NIPSNAP3B: variants seen among roughly 807,000 people sequenced by gnomAD.
NIPSNAP3B encodes protein NipSnap homolog 3B.
A neutral mutation model predicts 31.5 loss-of-function variants in NIPSNAP3B; 30 were observed. That is an observed-to-expected ratio of 0.95 (90% CI 0.71 to 1.29). The LOEUF (loss-of-function observed/expected upper bound fraction) is 1.29. NIPSNAP3B is among the 50% of genes most tolerant of loss of function. The pLI, the probability that NIPSNAP3B is intolerant of heterozygous loss-of-function variation, is 0.00. For synonymous variants in NIPSNAP3B, 106 were observed against 107.9 expected (o/e 0.98, Z 0.11); for missense variants, 269 against 300.7 (o/e 0.89, Z 0.78).
chr9:104,765,797 T>G (rs143034409), intron 1 of NIPSNAP3B, among the ~76,000 whole-genome samples: 4 of 152,362 alleles, frequency 2.6e-5, no homozygotes, highest in East Asian at 1.9e-4. Flanking sequence ...TCTTCATCAG[T>G]AGATTCAGGA....
the NIPSNAP3B span, chr9:104,786,863 T>C: frequency 6.2e-7 from 1 of 1,609,432 alleles, no homozygotes; most frequent in Non-Finnish European, 8.5e-7. Flanking sequence ...CCCAAGACTT[T>C]ACTACGGACC....
chr9:104,788,047 T>C, the NIPSNAP3B span: 10 of 1,614,182 alleles, frequency 6.2e-6, no homozygotes, highest in South Asian at 1.1e-4. Flanking sequence ...AATCGCCCAC[T>C]CACCAACCTA....
intron 4 of NIPSNAP3B, among the ~76,000 whole-genome samples, chr9:104,772,346 A>G (rs187774510): frequency 3.9e-4 from 60 of 152,156 alleles, no homozygotes; most frequent in Non-Finnish European, 7.9e-4. Flanking sequence ...ACATTGTTGC[A>G]GCATTTTAAA....
intron 3 of NIPSNAP3B, among the ~76,000 whole-genome samples, chr9:104,769,473 A>G (rs75593046): frequency 6.7e-6 from 1 of 149,660 alleles, no homozygotes; most frequent in African/African-American, 2.4e-5. Context: ...AAAAAAAAAG[A>G]GAATTAGAGT....
At position 104,773,292 on chromosome 9, in the gene NIPSNAP3B, C is replaced by T. The variant is rs1201637018; in HGVS notation, c.*219C>T. The T allele has an allele frequency of 5.7e-6, 3 of 523,022 alleles. No homozygotes were observed. The highest frequency in any genetic ancestry group is 5.2e-5 in the South Asian group (2 of 38,550). 32.4% of individuals were successfully genotyped at this position (523,022 alleles called of 1,614,324 possible). ...CCTTGGCATTTCAGTATCTGTTACA[C>T]ATTAGAAGTAGTTGTCACTATTTCA... On this transcript the variant is annotated 3_prime_UTR_variant, in exon 6 of 6. Coordinates refer to ENST00000374762, the MANE Select transcript of NIPSNAP3B (RefSeq NM_018376.4).
the NIPSNAP3B span, among the ~76,000 whole-genome samples, chr9:104,790,235 G>A: frequency 6.6e-6 from 1 of 152,096 alleles, no homozygotes; most frequent in Non-Finnish European, 1.5e-5. Context: ...ATGGCCTAAC[G>A]GTGGCTCAGT....
At position 104,773,529 on chromosome 9, in the gene NIPSNAP3B, A is replaced by G. The variant is rs1159793571; in HGVS notation, c.*456A>G. 1 of 153,054 alleles carries G rather than the reference A, an allele frequency of 6.5e-6. No homozygotes were observed. The highest frequency in any genetic ancestry group is 1.9e-4 in the East Asian group (1 of 5,222). 9.5% of individuals were successfully genotyped at this position (153,054 alleles called of 1,614,324 possible). A position where few individuals can be genotyped will look rare whatever the true frequency, so the allele number is the denominator to read the frequency against. On this transcript the variant is annotated 3_prime_UTR_variant, in exon 6 of 6. Coordinates refer to ENST00000374762, the MANE Select transcript of NIPSNAP3B (RefSeq NM_018376.4). ...CTTAGTAAAGGTTATTTTGTGATAT[A>G]AAATGGGATTTATAAAAATATTAGA... is the stretch of plus-strand genomic sequence containing the variant.
At chr9:104,784,606 G>A in the NIPSNAP3B span, 1 of 960,664 alleles carries the variant, frequency 1.0e-6, no homozygotes, top group Non-Finnish European at 1.6e-6. Flanking sequence ...TGTGAAGGAG[G>A]GAAGAATACT....
In NIPSNAP3B at chr9:104,772,849, C is replaced by T. The variant is rs1192457502; in HGVS notation, c.608C>T (p.Ala203Val). 2 of 1,613,350 alleles carry T rather than the reference C, an allele frequency of 1.2e-6. No individual in the cohort carries two copies. Among genetic ancestry groups the T allele is most frequent in the South Asian group, 1.1e-5 (1 of 90,946 alleles). ...CATGTTCTTTGGTGGAATGAGAGTG[C>T]AGATAGTCGTGCAGCTGGGAGACAT... ...RVHVLWWNES[A>V]DSRAAGRHKS... The change falls in exon 5 of 6, where the codon GCA becomes GTA. Residue 203 changes from alanine to valine, a missense_variant. Transcript: ENST00000374762.
the NIPSNAP3B span, chr9:104,788,489 A>G: frequency 6.2e-7 from 1 of 1,614,122 alleles, no homozygotes; most frequent in Non-Finnish European, 8.5e-7. Context: ...GTTCTCTCCC[A>G]GTCAACAGCT....
In NIPSNAP3B at chr9:104,770,975, C is replaced by A. The variant is rs766361171; in HGVS notation, c.557C>A (p.Thr186Lys). 3 of 1,613,800 alleles carry A rather than the reference C, an allele frequency of 1.9e-6. No individual in the cohort carries two copies. The highest frequency in any genetic ancestry group is 1.3e-5 in the African/African-American group (1 of 74,922). The change falls in exon 4 of 6, where the codon ACA becomes AAA. Residue 186 changes from threonine (T) to lysine (K), a missense_variant. Thr to Lys is a moderately conservative substitution (Grantham distance 78). Transcript: ENST00000374762. ...GYTKVVGVFH[T>K]EYGELNRVHV... ...ACAAAAGTAGTTGGTGTTTTCCACA[C>A]AGAATATGGAGAACTCAACAGAGGT...
chr9:104,769,094 G>T, intron 3 of NIPSNAP3B, 73 bp downstream of exon 3: 1 of 1,078,378 alleles, frequency 9.3e-7, no homozygotes, highest in Non-Finnish European at 1.3e-6. Flanking sequence ...AAAGAGTAAA[G>T]TTCTATAGGA....
chr9:104,785,373 C>G, the NIPSNAP3B span: 1 of 1,613,572 alleles, frequency 6.2e-7, no homozygotes, highest in South Asian at 1.1e-5. Flanking sequence ...AGAAGTAAAT[C>G]TGTTTTGACA....
In NIPSNAP3B at chr9:104,771,004, G is replaced by A. The variant is rs1373337156; in HGVS notation, c.580+6G>A. On this transcript the variant is annotated splice_donor_region_variant and intron_variant, in intron 4 of 5. Coordinates refer to ENST00000374762, the MANE Select transcript of NIPSNAP3B (RefSeq NM_018376.4). ...ATATGGAGAACTCAACAGAGGTACA[G>A]TTGTCCATTTGTTCTATGAAGTTGC... 2.5e-6 allele frequency: 4 copies of A among 1,613,176 alleles called. No homozygotes were observed. Among genetic ancestry groups the A allele is most frequent in the Non-Finnish European group, 3.4e-6 (4 of 1,179,326 alleles).
At chr9:104,765,272 T>C (rs1828065204) in intron 1 of NIPSNAP3B, among the ~76,000 whole-genome samples, 3 of 152,178 alleles carry the variant, frequency 2.0e-5, no homozygotes, top group Admixed American at 6.5e-5. Flanking sequence ...AATATGTCAG[T>C]GAAAGATGCC....
At chr9:104,784,254 A>G in the NIPSNAP3B span, 1 of 1,607,318 alleles carries the variant, frequency 6.2e-7, no homozygotes, top group Non-Finnish European at 8.5e-7. Context: ...AACACTTCAC[A>G]TGGTGCAAAG....
At chr9:104,772,679 C>G in intron 4 of NIPSNAP3B, 143 bp from the exon 5 acceptor site, 1 of 1,039,150 alleles carries the variant, frequency 9.6e-7, no homozygotes, top group Non-Finnish European at 1.4e-6. Flanking sequence ...TCTGATCCCT[C>G]TGAAATCTTA....
In NIPSNAP3B at chr9:104,764,239, C is replaced by T; in HGVS notation, c.-2C>T. The T allele has an allele frequency of 6.2e-7, 1 of 1,601,682 alleles. No individual in the cohort carries two copies. Among genetic ancestry groups the T allele is most frequent in the Non-Finnish European group, 8.5e-7 (1 of 1,175,856 alleles). On this transcript the variant is annotated 5_prime_UTR_variant, in exon 1 of 6. Transcript: ENST00000374762. ...TGCTTTTCTCAGTGCCGAAGCCGCGCCATGCTCGTTCTCAGAAGCGGCCTG... is the reference window on the plus strand; with the variant it reads ...TGCTTTTCTCAGTGCCGAAGCCGCGTCATGCTCGTTCTCAGAAGCGGCCTG...
At chr9:104,790,520 C>T in the NIPSNAP3B span, among the ~76,000 whole-genome samples, 2 of 152,112 alleles carry the variant, frequency 1.3e-5, no homozygotes, top group Non-Finnish European at 2.9e-5. Flanking sequence ...ATTCTACATA[C>T]AGTATGATCT....
Sources: allele counts gnomAD v4.1 joint callset (sites outside exome capture counted in the v4.1 genomes callset), GRCh38; gene constraint gnomAD v4.1.1; transcripts MANE v1.5; gene names NCBI Gene and HGNC (gene_info 2026-07-23, HGNC 2026-07-21).